Variants in EIF3H observed in about 807,000 individuals in gnomAD.
EIF3H encodes the protein eIF-3-gamma.
EIF3H carries 26 observed loss-of-function variants against 44.2 expected under a neutral mutation model. The ratio of observed to expected loss-of-function variants is 0.59; its 90% confidence interval spans 0.43 to 0.82. The LOEUF (loss-of-function observed/expected upper bound fraction) is 0.82, where lower values mean the gene tolerates loss of function less well. EIF3H is among the 40% of genes least tolerant of loss of function. The pLI is 0.00. For synonymous variants in EIF3H, 166 were observed against 151.9 expected, an observed-to-expected ratio of 1.09 and a Z score of -0.68; for missense variants, 359 against 432.8, an observed-to-expected ratio of 0.83 and a Z score of 1.51.
chr8:116,699,158 C>T (rs1258656948), intron 2 of EIF3H, among the ~76,000 whole-genome samples: 1 of 151,176 alleles, frequency 6.6e-6, no homozygotes, highest in Non-Finnish European at 1.5e-5. Flanking sequence ...AAATTGAATA[C>T]ACACATACCC....
chr8:116,644,583 G>A lies in EIF3H; in HGVS notation c.*423C>T, dbSNP rs547034376. ...CTCGGGGTGCTCATTTGGGAGCAGC[G>A]AAGTATAAAAATTCAAAAAAAAAAT... is the stretch of plus-strand genomic sequence containing the variant. On this transcript the variant is annotated 3_prime_UTR_variant, in exon 8 of 8. Coordinates refer to ENST00000521861, the MANE Select transcript of EIF3H (RefSeq NM_003756.3). 1.7e-3 allele frequency: 273 copies of A among 156,094 alleles called. 3 individuals carry two copies. The highest frequency in any genetic ancestry group is 7.5e-4 in the East Asian group (4 of 5,322). The allele number at this position is 156,094 out of a possible 1,614,324, so 9.7% of individuals were successfully genotyped here.
chr8:116,722,684 C>T (rs16888693), intron 2 of EIF3H, among the ~76,000 whole-genome samples: 33,591 of 151,992 alleles, frequency 0.22, 4,515 homozygotes, highest in African/African-American at 0.38. Flanking sequence ...GCAGAGAAAA[C>T]TGGCAGGAAA....
At chr8:116,656,160 A>G (rs1405061547) in intron 4 of EIF3H, among the ~76,000 whole-genome samples, 155 bp from the exon 5 acceptor site, 1 of 152,114 alleles carries the variant, frequency 6.6e-6, no homozygotes, top group Non-Finnish European at 1.5e-5. Flanking sequence ...GGAGTTTTAC[A>G]GAGTCAAGCA....
intron 2 of EIF3H, among the ~76,000 whole-genome samples, chr8:116,672,879 C>A (rs766154220): frequency 6.6e-6 from 1 of 152,036 alleles, no homozygotes; most frequent in Non-Finnish European, 1.5e-5. Flanking sequence ...CAAACAAGAA[C>A]GCCTCTCTCA....
rs200699275 is a variant in EIF3H at position 116,703,281 on chromosome 8, G to A, written c.289+22735C>T. On this transcript the variant is annotated intron_variant, in intron 2 of 7. Coordinates refer to ENST00000521861, the MANE Select transcript of EIF3H (RefSeq NM_003756.3). ...GAAGTGACCAGAAGACCGGGACAGGGCCACTAGAGGGCTCCCTGGTCTAGT... is the reference window on the plus strand; with the variant it reads ...GAAGTGACCAGAAGACCGGGACAGGACCACTAGAGGGCTCCCTGGTCTAGT... Among the ~76,000 whole-genome samples, 15 of 152,266 alleles carry A rather than the reference G, an allele frequency of 9.9e-5. No homozygotes were observed. The East Asian group carries it at 2.7e-3, about 28-fold the overall frequency.
intron 1 of EIF3H, among the ~76,000 whole-genome samples, chr8:116,735,430 T>C (rs939522798): frequency 6.6e-6 from 1 of 152,018 alleles, no homozygotes; most frequent in Non-Finnish European, 1.5e-5. Context: ...CCAAGAGAAA[T>C]AAAAACATCC....
chr8:116,691,165 T>C lies in EIF3H; in HGVS notation c.290-32185A>G, dbSNP rs148314595. 3.9e-5 allele frequency among the ~76,000 whole-genome samples: 6 copies of C among 152,322 alleles called. 1 individual carries two copies. The highest frequency in any genetic ancestry group is 3.9e-4 in the Admixed American group (6 of 15,298). On this transcript the variant is annotated intron_variant, in intron 2 of 7. Transcript: ENST00000521861. ...TTGGTTAAACTACTTAGTTAGGAAA[T>C]GTAAAAACAACTTTAATTTACCATT...
chr8:116,728,259 C>T (rs372657326), intron 1 of EIF3H, among the ~76,000 whole-genome samples: 6 of 141,280 alleles, frequency 4.2e-5, no homozygotes, highest in African/African-American at 1.6e-4. Context: ...TCATGTAATT[C>T]TCACAACCAC....
At chr8:116,647,130 G>A (rs1325747206) in intron 6 of EIF3H, among the ~76,000 whole-genome samples, 1 of 151,506 alleles carries the variant, frequency 6.6e-6, no homozygotes, top group African/African-American at 2.4e-5. Context: ...CTGTCACCCA[G>A]GCTGGAGTGC....
chr8:116,763,313 TA>T (rs1423349995), intron 1 of EIF3H, among the ~76,000 whole-genome samples: 30 of 152,310 alleles, frequency 2.0e-4, no homozygotes, highest in African/African-American at 6.7e-4. Flanking sequence ...TATCAATATG[TA>T]AATATGGAAA....
chr8:116,645,189 T>C (rs1015220228), intron 7 of EIF3H, 86 bp from the exon 8 acceptor site: 27 of 977,636 alleles, frequency 2.8e-5, no homozygotes, highest in Non-Finnish European at 4.3e-5. Context: ...AAAATCAGCA[T>C]AAAACAGAAT....
chr8:116,727,831 G>C (rs1229239180), intron 1 of EIF3H, among the ~76,000 whole-genome samples: 1 of 152,080 alleles, frequency 6.6e-6, no homozygotes, highest in Non-Finnish European at 1.5e-5. Context: ...AACATCTTTG[G>C]TCGTGGTAGT....
In EIF3H at chr8:116,755,804, A is replaced by G. The variant is rs771316088; in HGVS notation, c.-7T>C. ...CTTCCTTGCGGGACGCCATCTTTCC[A>G]AGCAGACAGGAAGAAAGAGAAACGT... On this transcript the variant is annotated 5_prime_UTR_variant, in exon 1 of 8. Transcript: ENST00000521861. The G allele has an allele frequency of 3.7e-6, 6 of 1,612,980 alleles. 1 individual carries two copies. The South Asian group carries it at 4.4e-5, about 12-fold the overall frequency.
upstream of EIF3H, chr8:116,756,142 C>A (rs1815446395): frequency 2.3e-6 from 2 of 854,292 alleles, no homozygotes; most frequent in East Asian, 5.3e-5. Context: ...CATTTCTGAT[C>A]TTGCAATGAA....
intron 2 of EIF3H, among the ~76,000 whole-genome samples, chr8:116,696,220 C>T (rs1020430883): frequency 6.6e-6 from 1 of 152,042 alleles, no homozygotes. Flanking sequence ...TTACATTATG[C>T]CAAAGAGTGA....
chr8:116,733,583 A>G (rs1216702026), intron 1 of EIF3H, among the ~76,000 whole-genome samples: 3 of 152,120 alleles, frequency 2.0e-5, no homozygotes, highest in Non-Finnish European at 4.4e-5. Context: ...AAGATATTTC[A>G]TGTATTTCAA....
intron 1 of EIF3H, among the ~76,000 whole-genome samples, chr8:116,747,368 T>A (rs548969583): frequency 5.7e-4 from 87 of 152,196 alleles, no homozygotes; most frequent in Non-Finnish European, 1.1e-3. Flanking sequence ...CAATAACATG[T>A]TCTTAATGAT....
chr8:116,694,137 A>G (rs1165107100), intron 2 of EIF3H, among the ~76,000 whole-genome samples: 1 of 149,670 alleles, frequency 6.7e-6, no homozygotes, highest in African/African-American at 2.5e-5. Flanking sequence ...AAGAATTATG[A>G]GCAAACCTTT....
rs567536755 is a variant in EIF3H at position 116,714,231 on chromosome 8, C to T, written c.289+11785G>A. 3.9e-5 allele frequency among the ~76,000 whole-genome samples: 6 copies of T among 152,198 alleles called. No individual in the cohort carries two copies. In the South Asian group the frequency reaches 1.2e-3, roughly 32 times the overall value. ...AAATAATCAGAACACATTCAAAAGA[C>T]ACAACTTTCTTGTTTAACAGTTTCT... On this transcript the variant is annotated intron_variant, in intron 2 of 7. Coordinates refer to ENST00000521861, the MANE Select transcript of EIF3H (RefSeq NM_003756.3).
Sources: gnomAD v4.1 joint callset for allele counts (sites outside exome capture counted in the v4.1 genomes callset) on GRCh38, gnomAD v4.1.1 for gene constraint, MANE v1.5 for transcripts, NCBI Gene and HGNC (gene_info 2026-07-23, HGNC 2026-07-21) for gene names.